Variants in TNRC6A observed in about 807,000 individuals in gnomAD.
The protein encoded by TNRC6A is trinucleotide repeat-containing gene 6A protein.
Under a neutral mutation model 221.2 loss-of-function variants are expected in TNRC6A, and 44 were observed. The ratio of observed to expected loss-of-function variants is 0.20; its 90% CI spans 0.16 to 0.26. The LOEUF is 0.26. Ranked by LOEUF, TNRC6A falls within the 10% of genes least tolerant of loss-of-function variation. The pLI is 1.00. For missense variants in TNRC6A, 2,199 were observed against 2,404.4 expected, an observed-to-expected ratio of 0.91 and a Z score of 1.79; for synonymous variants, 847 against 838.5, an observed-to-expected ratio of 1.01 and a Z score of -0.18.
chr16:24,678,473 A>G (rs936049918), intron 2 of TNRC6A, among the ~76,000 whole-genome samples: 2 of 152,218 alleles, frequency 1.3e-5, no homozygotes, highest in Non-Finnish European at 2.9e-5. Context: ...CCCACCTGGC[A>G]AGGATCTGAA....
intron 2 of TNRC6A, among the ~76,000 whole-genome samples, chr16:24,698,900 G>C (rs149538836): frequency 0.055 from 8,335 of 152,146 alleles, 307 homozygotes; most frequent in South Asian, 0.079. Flanking sequence ...AGTAGAGACG[G>C]GGTTTCACTA....
At chr16:24,692,847 G>A (rs1028740901) in intron 2 of TNRC6A, among the ~76,000 whole-genome samples, 6 of 152,030 alleles carry the variant, frequency 3.9e-5, no homozygotes, top group Admixed American at 1.3e-4. Context: ...TGTTCTTAGT[G>A]AAAACTCAGG....
chr16:24,811,134 C>T (rs1308050434), intron 18 of TNRC6A, among the ~76,000 whole-genome samples: 1 of 152,120 alleles, frequency 6.6e-6, no homozygotes, highest in Non-Finnish European at 1.5e-5. Context: ...AGTCCATGGG[C>T]TTGGAGGAGC....
chr16:24,803,057 G>T (rs1032670450), intron 11 of TNRC6A, among the ~76,000 whole-genome samples: 1 of 152,164 alleles, frequency 6.6e-6, no homozygotes, highest in Non-Finnish European at 1.5e-5. Context: ...ACCCTGTCTG[G>T]TGTCCAGTTT....
At chr16:24,662,563 C>T (rs2055058699) in intron 2 of TNRC6A, 1 of 151,970 alleles carries the variant, frequency 6.6e-6, no homozygotes, top group South Asian at 2.1e-4. Context: ...ATTATGGGTG[C>T]CTTATTTGGA....
chr16:24,797,935 T>C lies in TNRC6A; in HGVS notation c.3663T>C (p.Asn1221=), dbSNP rs1481074357. 2 of 1,610,472 alleles carry C rather than the reference T, an allele frequency of 1.2e-6. No individual in the cohort carries two copies. The highest frequency in any genetic ancestry group is 1.7e-6 in the Non-Finnish European group (2 of 1,178,308). Residue 1221 remains asparagine, a synonymous_variant, in exon 11 of 25, where the codon AAT becomes AAC. Transcript: ENST00000395799. ...ISFSRDSPEE[N]VQSNKMDLSG... ...TTCAGAGAGACTCACCAGAGGAAAATGTACAAAGCAATAAGATGGACCTTT... is the reference window on the plus strand; with the variant it reads ...TTCAGAGAGACTCACCAGAGGAAAACGTACAAAGCAATAAGATGGACCTTT...
At chr16:24,635,087 T>TTTTC (rs201050969) in intron 1 of TNRC6A, among the ~76,000 whole-genome samples, 2,006 of 150,214 alleles carry the variant, frequency 0.013, 39 homozygotes, top group East Asian at 0.09. Flanking sequence ...TCTTTCTTTC[T>TTTTC]TTTCTTTCTT....
At chr16:24,683,404 C>T (rs2055570141) in intron 2 of TNRC6A, among the ~76,000 whole-genome samples, 1 of 152,052 alleles carries the variant, frequency 6.6e-6, no homozygotes, top group African/African-American at 2.4e-5. Context: ...TGCTATGTTG[C>T]CCAGGCTGGT....
intron 2 of TNRC6A, chr16:24,663,806 C>G: frequency 9.6e-6 from 4 of 414,548 alleles, no homozygotes; most frequent in South Asian, 5.3e-5. Flanking sequence ...GCTGATACAG[C>G]ATGACCGCAG....
intron 4 of TNRC6A, among the ~76,000 whole-genome samples, chr16:24,775,350 T>G (rs989827797): frequency 6.6e-6 from 1 of 152,062 alleles, no homozygotes. Context: ...TAATTCTTCC[T>G]GAACTACAAT....
At chr16:24,644,336 C>G (rs1902164380) in intron 2 of TNRC6A, among the ~76,000 whole-genome samples, 1 of 151,912 alleles carries the variant, frequency 6.6e-6, no homozygotes, top group Non-Finnish European at 1.5e-5. Flanking sequence ...ACTCTGTCCA[C>G]CAGGCTGGAG....
At chr16:24,715,478 T>A (rs905042560) in intron 2 of TNRC6A, among the ~76,000 whole-genome samples, 1 of 152,168 alleles carries the variant, frequency 6.6e-6, no homozygotes, top group Non-Finnish European at 1.5e-5. Context: ...CCATACCTAA[T>A]GTCTGTGAAT....
chr16:24,729,301 AT>A (rs60592267), upstream of TNRC6A, among the ~76,000 whole-genome samples: 63,540 of 94,588 alleles, frequency 0.67, 20,968 homozygotes, highest in South Asian at 0.81. Context: ...GTTTTAGGCA[AT>A]TTTTTTTTTT....
intron 2 of TNRC6A, among the ~76,000 whole-genome samples, chr16:24,704,128 T>C (rs2056045316): frequency 6.6e-6 from 1 of 151,790 alleles, no homozygotes; most frequent in Non-Finnish European, 1.5e-5. Context: ...AAAGTCTCCT[T>C]CTGTTGCTCA....
In TNRC6A at chr16:24,823,151, C is replaced by A; in HGVS notation, c.5513+138C>A. On this transcript the variant is annotated intron_variant, in intron 24 of 24. Transcript: ENST00000395799. This position sits in a 1 kb window ranked among gnomAD's most constrained non-coding sequence, Gnocchi z 4.3. The stretch of plus-strand genomic sequence containing the variant: ...AGTAGTGCCCTGATTCCAAGGTCGG[C>A]ATTCCTAAGCGGGGAATCAGACCTG... The A allele has an allele frequency of 1.6e-6, 2 of 1,258,662 alleles. No homozygotes were observed. The highest frequency in any genetic ancestry group is 2.2e-6 in the Non-Finnish European group (2 of 893,162). The allele number at this position is 1,258,662 out of a possible 1,614,324, so 78.0% of individuals were successfully genotyped here.
At chr16:24,685,765 T>C (rs946811830) in intron 2 of TNRC6A, among the ~76,000 whole-genome samples, 1 of 152,218 alleles carries the variant, frequency 6.6e-6, no homozygotes, top group Non-Finnish European at 1.5e-5. Flanking sequence ...CTCGGTTTGC[T>C]CATCAGTAAA....
intron 4 of TNRC6A, among the ~76,000 whole-genome samples, chr16:24,760,189 A>G (rs2057332925): frequency 6.6e-6 from 1 of 152,072 alleles, no homozygotes; most frequent in African/African-American, 2.4e-5. Context: ...CAGGCCTTTC[A>G]GCTTTCCTAA....
intron 1 of TNRC6A, among the ~76,000 whole-genome samples, chr16:24,618,429 T>C (rs1363543891): frequency 6.6e-6 from 1 of 152,164 alleles, no homozygotes; most frequent in Non-Finnish European, 1.5e-5. Flanking sequence ...CATAGCTTTA[T>C]GGTGTAAATA....
At chr16:24,804,019 A>T in intron 11 of TNRC6A, 158 bp from the exon 12 acceptor site, 1 of 661,902 alleles carries the variant, frequency 1.5e-6, no homozygotes, top group Admixed American at 3.8e-5. Flanking sequence ...ATTTGTGAGG[A>T]ATGCAAAATT....
Sources: allele counts gnomAD v4.1 joint callset (sites outside exome capture counted in the v4.1 genomes callset), GRCh38; gene constraint gnomAD v4.1.1; non-coding constraint Gnocchi (gnomAD v3.1); transcripts MANE v1.5; gene names NCBI Gene and HGNC (gene_info 2026-07-23, HGNC 2026-07-21).